The following SLC35D4 variants were observed in gnomAD, a reference collection of about 807,000 sequenced individuals.
SLC35D4 encodes solute carrier family 35 member D4.
chr18:23,265,018 G>T, the SLC35D4 span, among the ~76,000 whole-genome samples: 1 of 150,612 alleles, frequency 6.6e-6, no homozygotes, highest in African/African-American at 2.5e-5. Context: ...ATTCATGAGG[G>T]ATCCACCCCC....
At chr18:23,388,384 T>C in the SLC35D4 span, among the ~76,000 whole-genome samples, 253 of 152,348 alleles carry the variant, frequency 1.7e-3, 1 homozygote, top group African/African-American at 5.7e-3. Flanking sequence ...CAGATGCTAT[T>C]ACCCTGATTT....
the SLC35D4 span, among the ~76,000 whole-genome samples, chr18:23,328,942 A>G: frequency 6.6e-6 from 1 of 152,266 alleles, no homozygotes; most frequent in African/African-American, 2.4e-5. Context: ...CCTGTCAAAA[A>G]CAAGAAACAG....
chr18:23,309,254 G>A, the SLC35D4 span, among the ~76,000 whole-genome samples: 2 of 151,774 alleles, frequency 1.3e-5, no homozygotes, highest in Admixed American at 6.6e-5. Flanking sequence ...GTGTGTGTGT[G>A]TGTGTGTGTA....
At chr18:23,241,109 A>G in the SLC35D4 span, among the ~76,000 whole-genome samples, 68 of 152,290 alleles carry the variant, frequency 4.5e-4, 1 homozygote, top group African/African-American at 1.5e-3. Context: ...AGTTTTACCT[A>G]TTCTGAAACT....
chr18:23,332,726 G>A, the SLC35D4 span, among the ~76,000 whole-genome samples: 1 of 150,852 alleles, frequency 6.6e-6, no homozygotes, highest in Non-Finnish European at 1.5e-5. Context: ...GATGTATCAG[G>A]TCCGCTGAGA....
At chr18:23,427,903 G>A in the SLC35D4 span, among the ~76,000 whole-genome samples, 1 of 152,086 alleles carries the variant, frequency 6.6e-6, no homozygotes, top group South Asian at 2.1e-4. Context: ...ATCATTCTGA[G>A]CAAACTATCG....
chr18:23,241,455 C>T, the SLC35D4 span, among the ~76,000 whole-genome samples: 1,888 of 150,520 alleles, frequency 0.013, 13 homozygotes, highest in African/African-American at 0.024. Flanking sequence ...CGCTTAAACC[C>T]GGGAGGTGGA....
chr18:23,386,023 C>G, the SLC35D4 span, among the ~76,000 whole-genome samples: 1 of 147,892 alleles, frequency 6.8e-6, no homozygotes, highest in East Asian at 2.0e-4. Context: ...GTCCCAGCTA[C>G]TTGGGAGGCT....
At chr18:23,329,825 G>C in the SLC35D4 span, among the ~76,000 whole-genome samples, 2 of 152,198 alleles carry the variant, frequency 1.3e-5, no homozygotes, top group Non-Finnish European at 2.9e-5. Flanking sequence ...ATCAATGACA[G>C]ACTGGATTAA....
chr18:23,431,425 G>C, the SLC35D4 span, among the ~76,000 whole-genome samples: 61 of 152,226 alleles, frequency 4.0e-4, no homozygotes, highest in African/African-American at 1.4e-3. Context: ...TTTTCTCAGG[G>C]TATCCACTTC....
the SLC35D4 span, among the ~76,000 whole-genome samples, chr18:23,381,464 C>A: frequency 6.6e-6 from 1 of 152,106 alleles, no homozygotes; most frequent in Admixed American, 6.5e-5. Flanking sequence ...CTTGGCCTCC[C>A]AAAGCTTTTT....
the SLC35D4 span, among the ~76,000 whole-genome samples, chr18:23,434,413 A>G: frequency 6.6e-6 from 1 of 152,304 alleles, no homozygotes; most frequent in South Asian, 2.1e-4. Flanking sequence ...CAGATTATAT[A>G]TTCCTGGGAC....
chr18:23,335,079 A>C, the SLC35D4 span, among the ~76,000 whole-genome samples: 2 of 152,146 alleles, frequency 1.3e-5, no homozygotes, highest in African/African-American at 4.8e-5. Context: ...AGAGGAGAGC[A>C]ATTTTAAGCA....
At chr18:23,434,112 T>C in the SLC35D4 span, among the ~76,000 whole-genome samples, 1 of 152,118 alleles carries the variant, frequency 6.6e-6, no homozygotes, top group Non-Finnish European at 1.5e-5. Flanking sequence ...CTTGAGAAGA[T>C]GAAACAATGG....
At chr18:23,316,057 A>T in the SLC35D4 span, among the ~76,000 whole-genome samples, 2 of 152,222 alleles carry the variant, frequency 1.3e-5, no homozygotes, top group African/African-American at 4.8e-5. Flanking sequence ...ACTAAACAGC[A>T]TCTGCACTGG....
At chr18:23,276,233 A>T in the SLC35D4 span, among the ~76,000 whole-genome samples, 1 of 151,416 alleles carries the variant, frequency 6.6e-6, no homozygotes, top group Non-Finnish European at 1.5e-5. Context: ...GACTACAGGC[A>T]CCCACCAAAA....
At chr18:23,431,074 A>C in the SLC35D4 span, among the ~76,000 whole-genome samples, 1 of 145,836 alleles carries the variant, frequency 6.9e-6, no homozygotes, top group Non-Finnish European at 1.5e-5. Context: ...GAATCGCTTG[A>C]ACCTAGGAGG....
At chr18:23,432,906 G>C in the SLC35D4 span, among the ~76,000 whole-genome samples, 1 of 150,598 alleles carries the variant, frequency 6.6e-6, no homozygotes, top group South Asian at 2.1e-4. Context: ...CTTAAGCATG[G>C]GAGGCAGAGG....
the SLC35D4 span, among the ~76,000 whole-genome samples, chr18:23,353,830 C>A: frequency 1.3e-5 from 2 of 152,190 alleles, no homozygotes; most frequent in Non-Finnish European, 2.9e-5. Flanking sequence ...AATCCCCCTT[C>A]CCACCTTTTT....
Sources: allele counts gnomAD v4.1 joint callset (sites outside exome capture counted in the v4.1 genomes callset), GRCh38; gene constraint gnomAD v4.1.1; transcripts MANE v1.5; gene names NCBI Gene and HGNC (gene_info 2026-07-23, HGNC 2026-07-21).